The following ZNF609 variants were observed in gnomAD, a reference collection of about 807,000 sequenced individuals.
ZNF609 encodes the protein zinc finger protein 609.
In ZNF609, 11 loss-of-function variants were observed where a neutral mutation model predicts 109.5. The ratio of observed to expected loss-of-function variants is 0.10; its 90% confidence interval spans 0.06 to 0.17. The LOEUF (loss-of-function observed/expected upper bound fraction) is 0.17. Among genes scored for constraint, ZNF609 ranks in the 10% least tolerant of loss-of-function variants. The pLI is 1.00. For synonymous variants in ZNF609, 646 were observed against 662.0 expected, an observed-to-expected ratio of 0.98 and a Z score of 0.37; for missense variants, 1,559 against 1,772.4, an observed-to-expected ratio of 0.88 and a Z score of 2.16.
chr15:64,480,367 A>G (rs919896401), intron 1 of ZNF609, among the ~76,000 whole-genome samples: 7 of 152,086 alleles, frequency 4.6e-5, no homozygotes, highest in Non-Finnish European at 8.8e-5. Context: ...AACCCCGTCT[A>G]CTAAAATACA....
chr15:64,571,929 A>G (rs910557077), intron 2 of ZNF609, among the ~76,000 whole-genome samples: 18 of 152,232 alleles, frequency 1.2e-4, no homozygotes, highest in African/African-American at 4.1e-4. Flanking sequence ...AAGTGCTGGT[A>G]TTACAGGTGT....
chr15:64,676,211 G>C lies in ZNF609; in HGVS notation c.3357G>C (p.Glu1119Asp). ...KEASEAKTGA[E>D]CGRQAEMDPI... ...CCTCTGAGGCCAAGACAGGTGCTGA[G>C]TGTGGTCGACAGGCAGAGATGGATC... Residue 1119 changes from glutamate to aspartate, a missense_variant, in exon 5 of 10, where the codon GAG (glutamate) becomes GAC (aspartate). Around this residue, in one of 4 missense-constraint regions of ZNF609, gnomAD observed 1,204 missense variants for 1,314.1 expected, o/e 0.92. Coordinates refer to ENST00000326648, the MANE Select transcript of ZNF609 (RefSeq NM_015042.2). The C allele has an allele frequency of 3.1e-6, 5 of 1,613,804 alleles. No individual in the cohort carries two copies. Among genetic ancestry groups the C allele is most frequent in the Non-Finnish European group, 4.2e-6 (5 of 1,179,880 alleles).
At chr15:64,619,573 T>C (rs1456433861) in intron 2 of ZNF609, among the ~76,000 whole-genome samples, 1 of 152,206 alleles carries the variant, frequency 6.6e-6, no homozygotes, top group Admixed American at 6.5e-5. Flanking sequence ...TTCAAACCCA[T>C]AGGTGGATTT....
intron 2 of ZNF609, among the ~76,000 whole-genome samples, chr15:64,514,902 G>C (rs1013150202): frequency 6.6e-6 from 1 of 152,140 alleles, no homozygotes; most frequent in Non-Finnish European, 1.5e-5. Context: ...CTCCCAAAGT[G>C]CTGGGATTAG....
intron 2 of ZNF609, among the ~76,000 whole-genome samples, chr15:64,589,777 ATAAGAT>A (rs1895262590): frequency 1.3e-5 from 2 of 152,184 alleles, no homozygotes; most frequent in Non-Finnish European, 1.5e-5. Context: ...AGATTTTTCT[ATAAGAT>A]TAAAATTATA....
chr15:64,541,511 G>T (rs1025300633), intron 2 of ZNF609, among the ~76,000 whole-genome samples: 4 of 151,850 alleles, frequency 2.6e-5, no homozygotes, highest in South Asian at 2.1e-4. Context: ...ATTACAGTGG[G>T]ACTATAACTG....
rs1450479198 is a variant in ZNF609 at position 64,593,181 on chromosome 15, A to G, written c.748-29646A>G. 2.0e-6 allele frequency: 3 copies of G among 1,523,010 alleles called. No individual in the cohort carries two copies. The African/African-American group carries it at 4.1e-5, about 21-fold the overall frequency. The allele number at this position is 1,523,010 out of a possible 1,614,324, so 94.3% of individuals were successfully genotyped here. ...GATGCCTATGTGCTTCCCAAGCTGT[A>G]TGTGAAGCTGCATTACTGTGTGAGT... On this transcript the variant is annotated intron_variant, in intron 2 of 9. Transcript: ENST00000326648.
chr15:64,638,202 C>T (rs1483733830), intron 3 of ZNF609, among the ~76,000 whole-genome samples: 14 of 151,636 alleles, frequency 9.2e-5, no homozygotes, highest in East Asian at 1.9e-4. Flanking sequence ...TCACATTTGT[C>T]GTAAACCAGT....
intron 2 of ZNF609, among the ~76,000 whole-genome samples, chr15:64,503,510 A>G (rs1418726279): frequency 6.6e-6 from 1 of 152,186 alleles, no homozygotes; most frequent in Non-Finnish European, 1.5e-5. Context: ...CCACTCTGAC[A>G]GGCAAGAAAA....
chr15:64,576,975 T>TATAC (rs1259493630), intron 2 of ZNF609, among the ~76,000 whole-genome samples: 19 of 136,940 alleles, frequency 1.4e-4, no homozygotes, highest in East Asian at 8.1e-4. Context: ...CACATAAATA[T>TATAC]ATATATGTAT....
Position 64,542,658 on chromosome 15 carries a change from A to T in ZNF609, c.747+42492A>T, listed in dbSNP as rs144106776. Among the ~76,000 whole-genome samples, 144 of 152,338 alleles carry T rather than the reference A, an allele frequency of 9.5e-4. 1 individual carries two copies. The highest frequency in any genetic ancestry group is 3.2e-3 in the African/African-American group (131 of 41,580). On this transcript the variant is annotated intron_variant, in intron 2 of 9. Transcript: ENST00000326648. ...TAATGCACCAACCACTCAAATGCTG[A>T]GGCTGAAACAGAGAATCATCTTAGA... is the stretch of plus-strand genomic sequence containing the variant.
At chr15:64,476,255 G>A (rs1893167459) in intron 1 of ZNF609, among the ~76,000 whole-genome samples, 1 of 147,720 alleles carries the variant, frequency 6.8e-6, no homozygotes, top group South Asian at 2.1e-4. Context: ...TGGATGCCCT[G>A]TTCTAGTTGT....
chr15:64,498,112 T>C, intron 1 of ZNF609, among the ~76,000 whole-genome samples: 1 of 151,926 alleles, frequency 6.6e-6, no homozygotes, highest in East Asian at 1.9e-4. Flanking sequence ...TGCAGTGGTG[T>C]GATTTCAGCT....
chr15:64,679,640 A>G (rs16948174), intron 6 of ZNF609, among the ~76,000 whole-genome samples: 8,697 of 152,256 alleles, frequency 0.057, 828 homozygotes, highest in African/African-American at 0.2. Flanking sequence ...ACTCACACCC[A>G]TCAATATAAA....
At chr15:64,646,634 CAAAAA>C (rs1180524819) in intron 3 of ZNF609, among the ~76,000 whole-genome samples, 1 of 30,692 alleles carries the variant, frequency 3.3e-5, no homozygotes, top group Non-Finnish European at 6.1e-5. Context: ...GACTCCATCT[CAAAAA>C]AAAAAAAAAA....
At chr15:64,579,988 C>G (rs897343364) in intron 2 of ZNF609, among the ~76,000 whole-genome samples, 1 of 152,126 alleles carries the variant, frequency 6.6e-6, no homozygotes, top group African/African-American at 2.4e-5. Flanking sequence ...CCTTACCTGG[C>G]AAAAGAGATT....
intron 2 of ZNF609, among the ~76,000 whole-genome samples, chr15:64,532,832 G>A (rs1280523814): frequency 6.6e-6 from 1 of 152,076 alleles, no homozygotes; most frequent in Non-Finnish European, 1.5e-5. Flanking sequence ...TTTGAGCTAG[G>A]TGAAAAAGAG....
intron 1 of ZNF609, among the ~76,000 whole-genome samples, chr15:64,478,576 C>T (rs1893205678): frequency 6.6e-6 from 1 of 152,014 alleles, no homozygotes; most frequent in Non-Finnish European, 1.5e-5. Flanking sequence ...CAGGGTTTCA[C>T]CATGTTGGCC....
chr15:64,568,679 G>A (rs1379147276), intron 2 of ZNF609, among the ~76,000 whole-genome samples: 1 of 152,206 alleles, frequency 6.6e-6, no homozygotes, highest in African/African-American at 2.4e-5. Context: ...CCAGAACAGA[G>A]ATGAAAAGTG....
Sources: gnomAD v4.1 joint callset for allele counts (sites outside exome capture counted in the v4.1 genomes callset) on GRCh38, gnomAD v4.1.1 for gene constraint, gnomAD v4.1.1 regional missense constraint, MANE v1.5 for transcripts, NCBI Gene and HGNC (gene_info 2026-07-23, HGNC 2026-07-21) for gene names.